Variants in FAM78A observed in about 807,000 individuals in gnomAD.
FAM78A encodes the protein family with sequence similarity 78 member A, also known as protein FAM78A.
FAM78A carries 12 observed loss-of-function variants against 22.6 expected under a neutral mutation model. The observed-to-expected ratio is 0.53, with a 90% confidence interval of 0.34 to 0.86. The LOEUF is 0.86. Among genes scored for constraint, FAM78A ranks in the 40% least tolerant of loss-of-function variants. The pLI is 0.02. For missense variants in FAM78A, 322 were observed against 396.1 expected, an observed-to-expected ratio of 0.81 and a Z score of 1.59; for synonymous variants, 151 against 155.8, an observed-to-expected ratio of 0.97 and a Z score of 0.23.
At chr9:131,271,256 C>T (rs1835418109) in intron 1 of FAM78A, among the ~76,000 whole-genome samples, 1 of 152,136 alleles carries the variant, frequency 6.6e-6, no homozygotes, top group African/African-American at 2.4e-5. Context: ...AGTGACAGCA[C>T]TCATGCTATA....
intron 1 of FAM78A, among the ~76,000 whole-genome samples, chr9:131,266,584 C>T (rs938985163): frequency 6.6e-6 from 1 of 152,186 alleles, no homozygotes; most frequent in African/African-American, 2.4e-5. Flanking sequence ...CAGCCACCAC[C>T]CCAAAGAAGC....
Position 131,274,116 on chromosome 9 carries a change from G to A in FAM78A, c.323+1741C>T, listed in dbSNP as rs145259910. ...GAGAACAAGTCTTAGACAAGACATC[G>A]GAAGCCCATGTGCACAGATGGGGAA... On this transcript the variant is annotated intron_variant, in intron 1 of 1. Transcript: ENST00000372271. The surrounding 1 kb of genome is among the most constrained non-coding windows in gnomAD (Gnocchi z 4.2). 7.1e-4 allele frequency among the ~76,000 whole-genome samples: 108 copies of A among 152,352 alleles called. No individual in the cohort carries two copies. The highest frequency in any genetic ancestry group is 2.5e-3 in the African/African-American group (102 of 41,578).
intron 1 of FAM78A, among the ~76,000 whole-genome samples, chr9:131,267,057 C>T (rs7041339): frequency 0.36 from 54,159 of 152,128 alleles, 10,610 homozygotes; most frequent in East Asian, 0.7. Context: ...TCCCTGGGGC[C>T]GGGGCTGTGG....
At chr9:131,263,239 C>CAAA (rs35417885) in intron 1 of FAM78A, among the ~76,000 whole-genome samples, 10 of 106,034 alleles carry the variant, frequency 9.4e-5, no homozygotes, top group Middle Eastern at 6.3e-3. Context: ...GACTCCATCT[C>CAAA]AAAAAAAAAA....
rs540670336 is a variant in FAM78A at position 131,272,391 on chromosome 9, G to A, written c.323+3466C>T. The stretch of plus-strand genomic sequence containing the variant: ...ATTATTGACTGTCACAGCTTGCGGG[G>A]ATGTGCTCCTGGCATGGAGTGGGTA... On this transcript the variant is annotated intron_variant, in intron 1 of 1. Coordinates refer to ENST00000372271, the MANE Select transcript of FAM78A (RefSeq NM_033387.4). The surrounding 1 kb of genome is among the most constrained non-coding windows in gnomAD (Gnocchi z 4.1). Among the ~76,000 whole-genome samples the A allele has an allele frequency of 1.5e-4, 23 of 152,340 alleles. No homozygotes were observed. The highest frequency in any genetic ancestry group is 5.3e-4 in the African/African-American group (22 of 41,572).
rs530012285 is a variant in FAM78A, at chr9:131,274,843, G to A, written c.323+1014C>T. ...GGGAGTGTCAGCGGCCAGTCACGGG[G>A]CCACAGGGTAGACACTGAGAGAGGT... On this transcript the variant is annotated intron_variant, in intron 1 of 1. Coordinates refer to ENST00000372271, the MANE Select transcript of FAM78A (RefSeq NM_033387.4). This position sits in a 1 kb window ranked among gnomAD's most constrained non-coding sequence, Gnocchi z 4.2. 2.6e-5 allele frequency among the ~76,000 whole-genome samples: 4 copies of A among 151,668 alleles called. No homozygotes were observed. In the East Asian group the frequency reaches 5.8e-4, roughly 22 times the overall value.
At chr9:131,280,161 TG>T (rs1195484000), upstream of FAM78A, among the ~76,000 whole-genome samples, 1 of 152,194 alleles carries the variant, frequency 6.6e-6, no homozygotes, top group African/African-American at 2.4e-5. Context: ...GGCTTTGAGC[TG>T]GGGGGCAGCT....
chr9:131,260,575 A>G lies in FAM78A; in HGVS notation c.*247T>C, dbSNP rs1422587291. ...CTGAAACTGAGAAAAAGGAGAGGCA[A>G]GGAGACCAGAGGTCACCCTGAGGGC... On this transcript the variant is annotated 3_prime_UTR_variant, in exon 2 of 2. Transcript: ENST00000372271. This position sits in a 1 kb window ranked among gnomAD's most constrained non-coding sequence, Gnocchi z 5.4. The G allele has an allele frequency of 5.1e-6, 2 of 393,828 alleles. No homozygotes were observed. The highest frequency in any genetic ancestry group is 3.7e-5 in the East Asian group (1 of 26,964). 24.4% of individuals were successfully genotyped at this position (393,828 alleles called of 1,614,324 possible). A position where few individuals can be genotyped will look rare whatever the true frequency, so the allele number is the denominator to read the frequency against.
At chr9:131,276,760 G>T (rs1469206330), upstream of FAM78A, among the ~76,000 whole-genome samples, 1 of 151,188 alleles carries the variant, frequency 6.6e-6, no homozygotes, top group Admixed American at 6.6e-5. The surrounding 1 kb of genome is among the most constrained non-coding windows in gnomAD (Gnocchi z 4.3). Flanking sequence ...TCAGGGCTCC[G>T]GCCGCTCGCC....
At chr9:131,262,019 G>A (rs148616802) in intron 1 of FAM78A, among the ~76,000 whole-genome samples, 5,251 of 151,914 alleles carry the variant, frequency 0.035, 179 homozygotes, top group African/African-American at 0.09. Flanking sequence ...TTGAGGTTAG[G>A]AGTTCAAGAC....
upstream of FAM78A, among the ~76,000 whole-genome samples, chr9:131,276,889 G>A (rs1053328951): frequency 2.0e-5 from 3 of 149,038 alleles, no homozygotes; most frequent in African/African-American, 7.3e-5. The surrounding 1 kb of genome is among the most constrained non-coding windows in gnomAD (Gnocchi z 4.3). Flanking sequence ...GCCGTGCAGG[G>A]TCCCGGGGCT....
Position 131,260,865 on chromosome 9 carries a change from T to G in FAM78A, c.809A>C (p.Lys270Thr). 6.5e-7 allele frequency: 1 copy of G among 1,530,990 alleles called. No homozygotes were observed. Among genetic ancestry groups the G allele is most frequent in the Non-Finnish European group, 8.8e-7 (1 of 1,138,316 alleles). 94.8% of individuals were successfully genotyped at this position (1,530,990 alleles called of 1,614,324 possible). ...NDAQVLMWRP[K>T]YGQPLVVIPP... ...GATCACCACCAGCGGCTGCCCGTAC[T>G]TGGGCCGCCACATGAGGACCTGGGC... is the stretch of plus-strand genomic sequence containing the variant. Residue 270 changes from lysine to threonine, a missense_variant, in exon 2 of 2, where the codon AAG becomes ACG. Physicochemically the swap from Lys to Thr is moderately conservative, Grantham distance 78. Coordinates refer to ENST00000372271, the MANE Select transcript of FAM78A (RefSeq NM_033387.4). The surrounding 1 kb of genome is among the most constrained non-coding windows in gnomAD (Gnocchi z 5.4).
At chr9:131,262,417 G>A (rs550853801) in intron 1 of FAM78A, among the ~76,000 whole-genome samples, 30 of 151,278 alleles carry the variant, frequency 2.0e-4, no homozygotes, top group Middle Eastern at 3.4e-3. Context: ...CTGGGTTTGC[G>A]GTGAGCTGAG....
chr9:131,264,524 G>A (rs1261569854), intron 1 of FAM78A: 2 of 711,752 alleles, frequency 2.8e-6, no homozygotes, highest in Admixed American at 4.0e-5. Flanking sequence ...GCAGCCCACA[G>A]ACAATCCGCC....
upstream of FAM78A, among the ~76,000 whole-genome samples, chr9:131,278,511 G>A (rs989033903): frequency 6.6e-5 from 10 of 152,240 alleles, no homozygotes; most frequent in East Asian, 1.2e-3. Flanking sequence ...GTTGGACCCC[G>A]GCTGTGTGAT....
At chr9:131,269,151 C>T (rs1025337352) in intron 1 of FAM78A, among the ~76,000 whole-genome samples, 1 of 151,540 alleles carries the variant, frequency 6.6e-6, no homozygotes, top group African/African-American at 2.4e-5. Flanking sequence ...CTGAAACCTA[C>T]CTCCCCATGC....
In FAM78A at chr9:131,275,883, G is replaced by C. The variant is rs1345546745; in HGVS notation, c.297C>G (p.Phe99Leu). 1 of 1,605,716 alleles carries C rather than the reference G, an allele frequency of 6.2e-7. No homozygotes were observed. The highest frequency in any genetic ancestry group is 1.1e-5 in the South Asian group (1 of 90,136). Reference protein sequence around the residue: ...GWIQACSHMEFYNQYGEQGMS... With the variant: ...GWIQACSHMELYNQYGEQGMS... The stretch of plus-strand genomic sequence containing the variant: ...TGCCCTGCTCGCCGTACTGGTTGTA[G>C]AACTCCATGTGGCTGCACGCCTGGA... Residue 99 changes from phenylalanine (F) to leucine (L), a missense_variant, in exon 1 of 2, where the codon TTC becomes TTG. Physicochemically the swap from Phe to Leu is conservative, Grantham distance 22 (BLOSUM62 0). Coordinates refer to ENST00000372271, the MANE Select transcript of FAM78A (RefSeq NM_033387.4). This position sits in a 1 kb window ranked among gnomAD's most constrained non-coding sequence, Gnocchi z 4.6.
At position 131,258,962 on chromosome 9, in the gene FAM78A, G is replaced by A. The variant is rs1054158283; in HGVS notation, c.*1860C>T. 6.6e-6 allele frequency: 1 copy of A among 152,606 alleles called. No individual in the cohort carries two copies. The highest frequency in any genetic ancestry group is 1.5e-5 in the Non-Finnish European group (1 of 68,074). 9.5% of individuals were successfully genotyped at this position (152,606 alleles called of 1,614,324 possible). ...CTGGCACGAGCTGGGCCCGGAGACCGACGGCAGTGGCTAAACGGTCATTAA... is the reference window on the plus strand; with the variant it reads ...CTGGCACGAGCTGGGCCCGGAGACCAACGGCAGTGGCTAAACGGTCATTAA... On this transcript the variant is annotated 3_prime_UTR_variant, in exon 2 of 2. Coordinates refer to ENST00000372271, the MANE Select transcript of FAM78A (RefSeq NM_033387.4).
rs1411659243 is a variant in FAM78A, at chr9:131,275,178, C to A, written c.323+679G>T. ...GGGCTTTGGGGCTGCAGAGGAGAGG[C>A]TCCTCTTTGCTGTTCCTGTTAGGGC... is the stretch of plus-strand genomic sequence containing the variant. On this transcript the variant is annotated intron_variant, in intron 1 of 1. Transcript: ENST00000372271. This position sits in a 1 kb window ranked among gnomAD's most constrained non-coding sequence, Gnocchi z 4.6. 6.6e-6 allele frequency among the ~76,000 whole-genome samples: 1 copy of A among 152,328 alleles called. No individual in the cohort carries two copies. Among genetic ancestry groups the A allele is most frequent in the East Asian group, 1.9e-4 (1 of 5,182 alleles).
Sources: allele counts gnomAD v4.1 joint callset (sites outside exome capture counted in the v4.1 genomes callset), GRCh38; gene constraint gnomAD v4.1.1; non-coding constraint Gnocchi (gnomAD v3.1); transcripts MANE v1.5; gene names NCBI Gene and HGNC (gene_info 2026-07-23, HGNC 2026-07-21).